Variants in F5 observed in about 807,000 individuals in gnomAD.
F5 encodes activated protein c cofactor.
Under a neutral mutation model 216.4 loss-of-function variants are expected in F5, and 138 were observed. That is an observed-to-expected ratio of 0.64 (90% confidence interval 0.56 to 0.73). The LOEUF (loss-of-function observed/expected upper bound fraction) is 0.73. Among genes scored for constraint, F5 ranks in the 30% least tolerant of loss-of-function variants. F5 has a pLI of 0.00. For synonymous variants in F5, 916 were observed against 930.7 expected, an observed-to-expected ratio of 0.98 and a Z score of 0.29; for missense variants, 2,403 against 2,674.0, an observed-to-expected ratio of 0.90 and a Z score of 2.24.
At chr1:169,516,681 G>C (rs528665524) in intron 23 of F5, among the ~76,000 whole-genome samples, 1 of 152,262 alleles carries the variant, frequency 6.6e-6, no homozygotes, top group Admixed American at 6.5e-5. Context: ...GTTTTCACAG[G>C]CATAAAAGAG....
intron 20 of F5, 137 bp from the exon 21 acceptor site, chr1:169,523,489 C>A (rs1162286460): frequency 6.0e-6 from 6 of 993,202 alleles, no homozygotes; most frequent in South Asian, 4.3e-5. Context: ...ACAATGACTA[C>A]ATGCAATTCA....
At chr1:169,524,932 A>T (rs1026285807) in intron 18 of F5, 24 bp from the exon 19 acceptor site, 13 of 1,585,144 alleles carry the variant, frequency 8.2e-6, no homozygotes, top group Non-Finnish European at 1.1e-5. Flanking sequence ...AAAAAAAATG[A>T]ATAATTTTTG....
At chr1:169,581,916 G>A (rs1273182767) in intron 2 of F5, among the ~76,000 whole-genome samples, 2 of 152,090 alleles carry the variant, frequency 1.3e-5, no homozygotes, top group African/African-American at 4.8e-5. Context: ...GAGCCAAATG[G>A]AAGCAAAATA....
At position 169,542,242 on chromosome 1, in the gene F5, C is replaced by G; in HGVS notation, c.2848G>C (p.Ala950Pro). 1 of 1,614,096 alleles carries G rather than the reference C, an allele frequency of 6.2e-7. No individual in the cohort carries two copies. Among genetic ancestry groups the G allele is most frequent in the African/African-American group, 1.3e-5 (1 of 75,034 alleles). ...SKILVGRWHL[A>P]SEKGSYEIIQ... is the part of the protein sequence containing the mutation. ...ATTTCATAGCTACCTTTCTCAGAAG[C>G]CAAATGCCATCTCCCAACCAAAATC... The change falls in exon 13 of 25, where the codon GCT becomes CCT. Residue 950 changes from alanine to proline, a missense_variant. By Grantham distance (27) the Ala-to-Pro change is conservative (BLOSUM62 -1). This residue lies in a region of F5 where 1,425 missense variants were observed against 1,554.8 expected (regional missense o/e 0.92). Coordinates refer to ENST00000367797, the MANE Select transcript of F5 (RefSeq NM_000130.5).
chr1:169,564,009 A>T (rs968858891), intron 3 of F5, among the ~76,000 whole-genome samples: 4 of 152,118 alleles, frequency 2.6e-5, no homozygotes, highest in African/African-American at 7.2e-5. Flanking sequence ...CACAGTTAAG[A>T]TACTTGAAAT....
At chr1:169,553,709 G>A (rs778937944) in intron 7 of F5, among the ~76,000 whole-genome samples, 15 of 152,322 alleles carry the variant, frequency 9.8e-5, no homozygotes, top group Admixed American at 4.6e-4. Context: ...GCGACAGAGC[G>A]AGACTCCGTC....
chr1:169,523,961 C>T, intron 19 of F5, 57 bp from the exon 20 acceptor site: 1 of 1,444,428 alleles, frequency 6.9e-7, no homozygotes, highest in Non-Finnish European at 9.7e-7. Flanking sequence ...CCAGCAATTT[C>T]TCAAGTGAGT....
chr1:169,569,480 C>T (rs951770583), intron 3 of F5, among the ~76,000 whole-genome samples: 3 of 151,980 alleles, frequency 2.0e-5, no homozygotes, highest in Non-Finnish European at 4.4e-5. Context: ...TTGACCAAAA[C>T]GACTTTGAAA....
intron 22 of F5, among the ~76,000 whole-genome samples, chr1:169,519,615 A>C (rs983392818): frequency 6.6e-6 from 1 of 152,154 alleles, no homozygotes; most frequent in Non-Finnish European, 1.5e-5. Flanking sequence ...GGTTTCAGCT[A>C]CTTTCTCCAT....
chr1:169,524,526 C>T (rs1342440350), intron 19 of F5, among the ~76,000 whole-genome samples: 1 of 152,130 alleles, frequency 6.6e-6, no homozygotes, highest in Non-Finnish European at 1.5e-5. Flanking sequence ...TGCAGAGAGG[C>T]TGGGCTTTTT....
intron 16 of F5, among the ~76,000 whole-genome samples, chr1:169,528,519 A>G (rs1659513694): frequency 6.6e-6 from 1 of 152,210 alleles, no homozygotes. Flanking sequence ...AAGGCCTTCT[A>G]AATTCAGAGA....
chr1:169,532,925 T>A (rs2101812909), intron 14 of F5, among the ~76,000 whole-genome samples: 1 of 152,160 alleles, frequency 6.6e-6, no homozygotes. Context: ...GCCAAAGCAA[T>A]CCTAAGCAAA....
chr1:169,547,964 G>A (rs1660054254), intron 10 of F5, among the ~76,000 whole-genome samples: 1 of 152,130 alleles, frequency 6.6e-6, no homozygotes, highest in Non-Finnish European at 1.5e-5. Flanking sequence ...TGACAGACTG[G>A]ATGAAGAAAA....
chr1:169,575,231 T>C (rs1457679202), intron 2 of F5, among the ~76,000 whole-genome samples: 2 of 151,966 alleles, frequency 1.3e-5, no homozygotes, highest in Non-Finnish European at 2.9e-5. Context: ...AAAGTTAGAG[T>C]AGCGTGCGCA....
At chr1:169,552,086 C>A (rs1557921418) in intron 8 of F5, among the ~76,000 whole-genome samples, 1 of 152,132 alleles carries the variant, frequency 6.6e-6, no homozygotes, top group African/African-American at 2.4e-5. Context: ...ATCAAGGATG[C>A]CATCTACTGT....
chr1:169,561,794 G>A (rs1275373827), intron 3 of F5, among the ~76,000 whole-genome samples: 2 of 151,960 alleles, frequency 1.3e-5, no homozygotes, highest in Non-Finnish European at 2.9e-5. Context: ...ACAAGGATCT[G>A]GGGAAAAAAG....
At chr1:169,527,348 T>C (rs1659482534) in intron 17 of F5, among the ~76,000 whole-genome samples, 1 of 152,234 alleles carries the variant, frequency 6.6e-6, no homozygotes. Context: ...TCTGTATAAT[T>C]GTAGACTGTT....
chr1:169,556,918 C>G, intron 5 of F5, 51 bp from the exon 6 acceptor site: 3 of 1,522,978 alleles, frequency 2.0e-6, no homozygotes, highest in Non-Finnish European at 2.7e-6. Flanking sequence ...GTCAAGTACT[C>G]TGTGATCAAA....
At chr1:169,539,120 G>A (rs1466506283) in intron 13 of F5, among the ~76,000 whole-genome samples, 2 of 151,944 alleles carry the variant, frequency 1.3e-5, no homozygotes, top group South Asian at 2.1e-4. Context: ...GAAGCATGTC[G>A]AATTCTCCCA....
Sources: gnomAD v4.1 joint callset for allele counts (sites outside exome capture counted in the v4.1 genomes callset) on GRCh38, gnomAD v4.1.1 for gene constraint, gnomAD v4.1.1 regional missense constraint, MANE v1.5 for transcripts, NCBI Gene and HGNC (gene_info 2026-07-23, HGNC 2026-07-21) for gene names.